The following IL13RA1 variants were observed in gnomAD, a reference collection of about 807,000 sequenced individuals.
IL13RA1 encodes interleukin-13 receptor subunit alpha-1.
IL13RA1 carries 14 observed loss-of-function variants against 33.8 expected under a neutral mutation model. That is an observed-to-expected ratio of 0.41 (90% CI 0.27 to 0.65). The LOEUF (loss-of-function observed/expected upper bound fraction) is 0.65. Among genes scored for constraint, IL13RA1 ranks in the 30% least tolerant of loss-of-function variants. IL13RA1 has a pLI of 0.28. For synonymous variants in IL13RA1, 116 were observed against 115.7 expected (o/e 1.00, Z -0.02); for missense variants, 313 against 327.0 (o/e 0.96, Z 0.33).
the IL13RA1 span, among the ~76,000 whole-genome samples, chrX:118,801,047 C>T: frequency 8.9e-5 from 10 of 112,363 alleles, no homozygotes; most frequent in African/African-American, 3.2e-4. Context: ...ACTATGGCCT[C>T]CCAAAGTGCT....
At chrX:118,751,900 CAAAAAA>C (rs34902050) in intron 4 of IL13RA1, among the ~76,000 whole-genome samples, 1 of 49,014 alleles carries the variant, frequency 2.0e-5, no homozygotes, top group Non-Finnish European at 4.2e-5. Flanking sequence ...GAATAGAATG[CAAAAAA>C]AAAAAAAAAA....
chrX:118,767,048 C>A, intron 8 of IL13RA1, 72 bp downstream of exon 8: 1 of 552,808 alleles, frequency 1.8e-6, no homozygotes, highest in Non-Finnish European at 2.9e-6. Flanking sequence ...AGAAAATAGA[C>A]TGGGGAAAGG....
intron 1 of IL13RA1, among the ~76,000 whole-genome samples, chrX:118,732,424 C>A (rs1424051104): frequency 9.2e-6 from 1 of 108,344 alleles, no homozygotes; most frequent in East Asian, 2.9e-4. Flanking sequence ...ATTTATTATA[C>A]CTTAAGTTCT....
intron 10 of IL13RA1, 137 bp from the exon 11 acceptor site, chrX:118,791,621 CAAAA>C (rs11318857): frequency 1.1e-3 from 241 of 216,947 alleles, no homozygotes; most frequent in East Asian, 1.3e-3. Flanking sequence ...ATTCTTAGGT[CAAAA>C]AAAAAAAAAA....
chrX:118,770,346 G>A (rs192066495), intron 8 of IL13RA1: 2 of 361,535 alleles, frequency 5.5e-6, no homozygotes, highest in South Asian at 5.1e-5. Flanking sequence ...GAGGTGCCGC[G>A]CTACCGCACT....
chrX:118,770,567 T>A (rs1275616231), intron 8 of IL13RA1: 1 of 512,991 alleles, frequency 1.9e-6, no homozygotes, highest in Non-Finnish European at 3.4e-6. Flanking sequence ...CTGCCCACGT[T>A]CCGCAAGCTG....
At chrX:118,803,780 T>C in the IL13RA1 span, among the ~76,000 whole-genome samples, 1 of 111,086 alleles carries the variant, frequency 9.0e-6, no homozygotes, top group Non-Finnish European at 1.9e-5. Flanking sequence ...TAGCTCTTTT[T>C]CCCTTCCAGA....
intron 5 of IL13RA1, 133 bp downstream of exon 5, chrX:118,758,375 A>G (rs1356526518): frequency 5.6e-6 from 2 of 354,956 alleles, no homozygotes; most frequent in African/African-American, 2.5e-5. Flanking sequence ...ATTGATGTAT[A>G]ACTTTCTTTG....
chrX:118,792,544 G>T lies in IL13RA1; in HGVS notation c.*690G>T, dbSNP rs777912927. ...GCCTGTAATCCCAGCTACTCGGGAA[G>T]CTGAGGCAGGTGAATTGTTTGAACC... On this transcript the variant is annotated 3_prime_UTR_variant, in exon 11 of 11. Transcript: ENST00000371666. 3 of 112,158 alleles carry T rather than the reference G, an allele frequency of 2.7e-5. No individual in the cohort carries two copies. The East Asian group carries it at 8.4e-4, about 31-fold the overall frequency. 9.2% of individuals were successfully genotyped at this position (112,158 alleles called of 1,213,427 possible).
intron 6 of IL13RA1, among the ~76,000 whole-genome samples, chrX:118,765,182 C>G (rs751255147): frequency 1.2e-4 from 13 of 111,643 alleles, no homozygotes; most frequent in Admixed American, 1.9e-4. Flanking sequence ...ACTGCAACCT[C>G]CACCTCCCGG....
chrX:118,804,020 G>A, the IL13RA1 span, among the ~76,000 whole-genome samples: 61 of 100,371 alleles, frequency 6.1e-4, no homozygotes, highest in East Asian at 2.8e-3. Context: ...GCAATGGTGC[G>A]ATCTCGGCTC....
At chrX:118,798,822 G>C (rs769034647), downstream of IL13RA1, among the ~76,000 whole-genome samples, 2 of 112,818 alleles carry the variant, frequency 1.8e-5, no homozygotes, top group African/African-American at 6.4e-5. Context: ...GCTCGCTCTC[G>C]GCGCCTCCTC....
chrX:118,778,252 G>A (rs1409832791), intron 10 of IL13RA1, among the ~76,000 whole-genome samples: 1 of 111,688 alleles, frequency 9.0e-6, no homozygotes, highest in Non-Finnish European at 1.9e-5. Flanking sequence ...TGGTAGTGAT[G>A]ATATTTGGTT....
At chrX:118,795,809 A>G (rs749435033), downstream of IL13RA1, among the ~76,000 whole-genome samples, 63 of 112,470 alleles carry the variant, frequency 5.6e-4, no homozygotes, top group Non-Finnish European at 7.9e-4. Flanking sequence ...GCTCACATGA[A>G]TAGCACATTA....
chrX:118,766,568 A>G lies in IL13RA1; in HGVS notation c.867A>G (p.Arg289=). The G allele has an allele frequency of 9.4e-7, 1 of 1,060,581 alleles. No individual in the cohort carries two copies. The highest frequency in any genetic ancestry group is 1.9e-5 in the South Asian group (1 of 53,001). The allele number at this position is 1,060,581 out of a possible 1,213,427, so 87.4% of individuals were successfully genotyped here. The part of the protein sequence containing the change: ...EAKCENPEFE[R]NVENTSCFMV... Reference sequence around the variant, plus strand: ...AATGTGAGAATCCAGAATTTGAGAGAAATGTGGAGGTCAGTAAATTCAACA... The same window carrying G: ...AATGTGAGAATCCAGAATTTGAGAGGAATGTGGAGGTCAGTAAATTCAACA... The change falls in exon 7 of 11, where the codon AGA becomes AGG. Residue 289 remains arginine (R), a synonymous_variant. Transcript: ENST00000371666.
At chrX:118,784,129 G>GTGTATATA (rs1556373104) in intron 10 of IL13RA1, among the ~76,000 whole-genome samples, 1 of 61,501 alleles carries the variant, frequency 1.6e-5, no homozygotes, top group African/African-American at 8.4e-5. Flanking sequence ...GTATATATAT[G>GTGTATATA]TATATATATA....
intron 1 of IL13RA1, among the ~76,000 whole-genome samples, chrX:118,731,325 C>A (rs1373504574): frequency 8.9e-6 from 1 of 111,992 alleles, no homozygotes; most frequent in Admixed American, 9.4e-5. Flanking sequence ...ACCTGTAATC[C>A]CAGCACTTTG....
Position 118,794,508 on chromosome X carries a change from A to G in IL13RA1, c.*2654A>G, listed in dbSNP as rs1405611529. 2.7e-5 allele frequency: 3 copies of G among 112,621 alleles called. No homozygotes were observed. The Admixed American group carries it at 2.8e-4, about 11-fold the overall frequency. 9.3% of individuals were successfully genotyped at this position (112,621 alleles called of 1,213,427 possible). A position where few individuals can be genotyped will look rare whatever the true frequency, so the allele number is the denominator to read the frequency against. On this transcript the variant is annotated 3_prime_UTR_variant, in exon 11 of 11. Coordinates refer to ENST00000371666, the MANE Select transcript of IL13RA1 (RefSeq NM_001560.3). ...ACTTCTTATAGGAAAGCTTGAGTAA[A>G]ATAAATATTGTCTTTTTGTATGTCA...
chrX:118,732,451 C>T (rs1463720056), intron 1 of IL13RA1, among the ~76,000 whole-genome samples: 1 of 109,945 alleles, frequency 9.1e-6, no homozygotes, highest in Non-Finnish European at 1.9e-5. Flanking sequence ...CATTGCACAA[C>T]GTGCAGGTTT....
Sources: gnomAD v4.1 joint callset for allele counts (sites outside exome capture counted in the v4.1 genomes callset) on GRCh38, gnomAD v4.1.1 for gene constraint, MANE v1.5 for transcripts, NCBI Gene and HGNC (gene_info 2026-07-23, HGNC 2026-07-21) for gene names.